Variants in DNAI4 observed in about 807,000 individuals in gnomAD.
The protein encoded by DNAI4 is dynein axonemal intermediate chain 4.
DNAI4 carries 85 observed loss-of-function variants against 105.8 expected under a neutral mutation model. That is an observed-to-expected ratio of 0.80 (90% CI 0.67 to 0.96). The LOEUF is 0.96. DNAI4 is among the 40% of genes least tolerant of loss of function. DNAI4 has a pLI of 0.00. For synonymous variants in DNAI4, 352 were observed against 331.5 expected, an observed-to-expected ratio of 1.06 and a Z score of -0.67; for missense variants, 1,014 against 1,005.6, an observed-to-expected ratio of 1.01 and a Z score of -0.11.
In DNAI4 at chr1:66,834,027, A is replaced by C. The variant is rs769220230; in HGVS notation, c.1855T>G (p.Ser619Ala). 13 of 1,609,306 alleles carry C rather than the reference A, an allele frequency of 8.1e-6. No individual in the cohort carries two copies. In the South Asian group the frequency reaches 1.0e-4, roughly 12 times the overall value. Reference sequence around the variant, plus strand: ...AGTCCTTTTCGTATAACCCATTTGGAGATTCTTCCATCTGCTGATATAGAA... The same window carrying C: ...AGTCCTTTTCGTATAACCCATTTGGCGATTCTTCCATCTGCTGATATAGAA... ...LVSISADGRI[S>A]KWVIRKGLDC... The change falls in exon 12 of 17, where the codon TCC becomes GCC. Residue 619 changes from serine to alanine, a missense_variant. Transcript: ENST00000371026.
rs1425345213 is a variant in DNAI4, at chr1:66,874,921, C to T, written c.660G>A (p.Arg220=). The change falls in exon 5 of 17, where the codon AGG becomes AGA. Residue 220 remains arginine (R), a synonymous_variant. Coordinates refer to ENST00000371026, the MANE Select transcript of DNAI4 (RefSeq NM_024763.5). ...TTGTTACAATTTTTTCAGGTGCTGC[C>T]CTTATAACTTGCAAATCTAAAATAC... is the stretch of plus-strand genomic sequence containing the variant. ...LTSFTDLQVI[R]AAPEKIVTKE... 6.3e-7 allele frequency: 1 copy of T among 1,593,712 alleles called. No homozygotes were observed. The highest frequency in any genetic ancestry group is 1.9e-5 in the Admixed American group (1 of 53,578).
intron 2 of DNAI4, among the ~76,000 whole-genome samples, chr1:66,896,775 A>G (rs571108980): frequency 5.7e-4 from 87 of 152,272 alleles, no homozygotes; most frequent in Non-Finnish European, 9.1e-4. Context: ...TGGTTCCTTG[A>G]CCCTGGACAT....
Position 66,850,753 on chromosome 1 carries a change from C to T in DNAI4, c.1097-3075G>A, listed in dbSNP as rs1379714819. Among the ~76,000 whole-genome samples, 15 of 151,816 alleles carry T rather than the reference C, an allele frequency of 9.9e-5. 1 individual carries two copies. The highest frequency in any genetic ancestry group is 5.2e-4 in the Admixed American group (8 of 15,240). On this transcript the variant is annotated intron_variant, in intron 7 of 16. Transcript: ENST00000371026. ...AATCTAAAGGGAGGTAAGGTTTCTA[C>T]GCTTTACTTGAACTGGTAAAATGTC...
chr1:66,822,357 T>C lies in DNAI4; in HGVS notation c.2496+4A>G, dbSNP rs1236777847. The stretch of plus-strand genomic sequence containing the variant: ...ACACAAATTTTTTTACTCTTGAGTC[T>C]TACCCGGCCAGTTTCCAAAACAGTA... On this transcript the variant is annotated splice_donor_region_variant and intron_variant, in intron 16 of 16. Transcript: ENST00000371026. The C allele has an allele frequency of 6.3e-7, 1 of 1,596,764 alleles. No homozygotes were observed. The highest frequency in any genetic ancestry group is 1.8e-5 in the Admixed American group (1 of 56,034).
At position 66,890,036 on chromosome 1, in the gene DNAI4, G is replaced by A. The variant is rs1569783856; in HGVS notation, c.643+1118C>T. On this transcript the variant is annotated intron_variant, in intron 4 of 16. Coordinates refer to ENST00000371026, the MANE Select transcript of DNAI4 (RefSeq NM_024763.5). This position sits in a 1 kb window ranked among gnomAD's most constrained non-coding sequence, Gnocchi z 4.1. ...TGTCTGCAATTAGAAGCTGAATTTG[G>A]TGGCTCACACTGATAATCCCAGTAC... The A allele has an allele frequency of 6.6e-6, 1 of 152,304 alleles. No homozygotes were observed. Among genetic ancestry groups the A allele is most frequent in the Admixed American group, 6.5e-5 (1 of 15,296 alleles). 9.4% of individuals were successfully genotyped at this position (152,304 alleles called of 1,614,324 possible).
chr1:66,888,566 G>T (rs1156913440), intron 4 of DNAI4, among the ~76,000 whole-genome samples: 4 of 152,138 alleles, frequency 2.6e-5, no homozygotes, highest in Non-Finnish European at 5.9e-5. Flanking sequence ...GGTGGCAAGC[G>T]CCTGTATTCC....
chr1:66,822,167 T>A (rs1645642298), intron 16 of DNAI4, among the ~76,000 whole-genome samples, 194 bp downstream of exon 16: 1 of 140,790 alleles, frequency 7.1e-6, no homozygotes. Context: ...CTTTTACAGA[T>A]AAATAAGACG....
chr1:66,859,189 C>A (rs1206815277), intron 7 of DNAI4, among the ~76,000 whole-genome samples: 1 of 151,930 alleles, frequency 6.6e-6, no homozygotes, highest in Non-Finnish European at 1.5e-5. Context: ...AGATATCTCA[C>A]CAAAAAAGAT....
intron 6 of DNAI4, among the ~76,000 whole-genome samples, chr1:66,864,652 C>A (rs1275447578): frequency 6.6e-6 from 1 of 152,050 alleles, no homozygotes; most frequent in Admixed American, 6.5e-5. Flanking sequence ...GAGATCGAGA[C>A]CATCCTGGCC....
At chr1:66,835,536 C>T (rs1645966148) in intron 11 of DNAI4, 90 bp downstream of exon 11, 1 of 1,371,196 alleles carries the variant, frequency 7.3e-7, no homozygotes, top group Non-Finnish European at 1.0e-6. Flanking sequence ...TCAGTAACAA[C>T]AAAAATATTT....
chr1:66,843,764 A>G (rs1208334621), intron 8 of DNAI4, among the ~76,000 whole-genome samples: 1 of 152,158 alleles, frequency 6.6e-6, no homozygotes, highest in Non-Finnish European at 1.5e-5. Flanking sequence ...TTGAAAGACT[A>G]TCTTTTTTCT....
At chr1:66,888,143 G>A (rs1647300441) in intron 4 of DNAI4, among the ~76,000 whole-genome samples, 1 of 152,016 alleles carries the variant, frequency 6.6e-6, no homozygotes, top group African/African-American at 2.4e-5. Flanking sequence ...GCAAATAAAT[G>A]TTTCCTTGCC....
intron 15 of DNAI4, among the ~76,000 whole-genome samples, chr1:66,822,796 T>C (rs1254982696): frequency 6.6e-6 from 1 of 152,174 alleles, no homozygotes; most frequent in Non-Finnish European, 1.5e-5. Flanking sequence ...GTGTGTCCAC[T>C]TAGCTAGGCT....
chr1:66,903,660 G>C (rs1191955562), intron 2 of DNAI4, among the ~76,000 whole-genome samples: 2 of 151,968 alleles, frequency 1.3e-5, no homozygotes, highest in African/African-American at 4.8e-5. Context: ...CGGCTGGCTA[G>C]TTTTTTTGTA....
chr1:66,908,063 C>T (rs1018503961), intron 1 of DNAI4, among the ~76,000 whole-genome samples: 1 of 152,180 alleles, frequency 6.6e-6, no homozygotes, highest in Admixed American at 6.5e-5. Flanking sequence ...TCTTACCATA[C>T]CTTTCCCTTC....
chr1:66,851,172 T>C (rs1646389253), intron 7 of DNAI4, among the ~76,000 whole-genome samples: 1 of 151,644 alleles, frequency 6.6e-6, no homozygotes. Context: ...CAGGCAAACA[T>C]TAACCAAAAG....
chr1:66,836,747 G>A (rs1360167983), intron 10 of DNAI4, among the ~76,000 whole-genome samples: 2 of 151,942 alleles, frequency 1.3e-5, no homozygotes, highest in Non-Finnish European at 2.9e-5. Flanking sequence ...ATGACATATC[G>A]CTAAGTTTAT....
chr1:66,843,903 T>G (rs1393037955), intron 8 of DNAI4, among the ~76,000 whole-genome samples: 1 of 151,972 alleles, frequency 6.6e-6, no homozygotes, highest in Non-Finnish European at 1.5e-5. Context: ...TTGACCACGA[T>G]AGCTTTATAC....
In DNAI4 at chr1:66,887,882, C is replaced by T. The variant is rs192200152; in HGVS notation, c.643+3272G>A. Among the ~76,000 whole-genome samples the T allele has an allele frequency of 4.6e-5, 7 of 152,092 alleles. No homozygotes were observed. In the East Asian group the frequency reaches 1.4e-3, roughly 29 times the overall value. On this transcript the variant is annotated intron_variant, in intron 4 of 16. Coordinates refer to ENST00000371026, the MANE Select transcript of DNAI4 (RefSeq NM_024763.5). ...TATGAGGCAGGAGAATGGCCTGAACCCAGGAAGCAGAGGTTGTAGTGAGCC... is the reference window on the plus strand; with the variant it reads ...TATGAGGCAGGAGAATGGCCTGAACTCAGGAAGCAGAGGTTGTAGTGAGCC...
Sources: gnomAD v4.1 joint callset for allele counts (sites outside exome capture counted in the v4.1 genomes callset) on GRCh38, gnomAD v4.1.1 for gene constraint, Gnocchi (gnomAD v3.1) non-coding constraint, MANE v1.5 for transcripts, NCBI Gene and HGNC (gene_info 2026-07-23, HGNC 2026-07-21) for gene names.